GRIN2B: variants seen among roughly 807,000 people sequenced by gnomAD.
The protein encoded by GRIN2B is glutamate receptor ionotropic, NMDA 2B.
In GRIN2B, 5 loss-of-function variants were observed where a neutral mutation model predicts 114.5. The observed-to-expected ratio is 0.04, with a 90% CI of 0.02 to 0.09. The LOEUF is 0.09. Among genes scored for constraint, GRIN2B ranks in the 10% least tolerant of loss-of-function variants. The pLI is 1.00. For synonymous variants in GRIN2B, 787 were observed against 745.1 expected, an observed-to-expected ratio of 1.06 and a Z score of -0.92; for missense variants, 1,108 against 1,943.5, an observed-to-expected ratio of 0.57 and a Z score of 8.08.
At chr12:13,871,381 A>C (rs1377168825) in intron 2 of GRIN2B, among the ~76,000 whole-genome samples, 1 of 114,508 alleles carries the variant, frequency 8.7e-6, no homozygotes, top group Non-Finnish European at 1.9e-5. Flanking sequence ...CCAAAATCTT[A>C]AAAAAAAAAA....
intron 2 of GRIN2B, among the ~76,000 whole-genome samples, chr12:13,921,086 G>C (rs1488643318): frequency 6.6e-6 from 1 of 152,116 alleles, no homozygotes; most frequent in Non-Finnish European, 1.5e-5. Flanking sequence ...ACATCATAGG[G>C]AAAGGGCATA....
intron 5 of GRIN2B, among the ~76,000 whole-genome samples, chr12:13,623,347 G>A (rs984057993): frequency 6.6e-6 from 1 of 152,204 alleles, no homozygotes; most frequent in African/African-American, 2.4e-5. Context: ...AAAAGGATAT[G>A]TATGTTTTTA....
chr12:13,980,692 T>TCA (rs1313406842), intron 1 of GRIN2B, among the ~76,000 whole-genome samples: 1 of 151,738 alleles, frequency 6.6e-6, no homozygotes, highest in East Asian at 1.9e-4. Flanking sequence ...CAACACACAC[T>TCA]CACACACACG....
At chr12:13,879,261 T>C (rs1437341636) in intron 2 of GRIN2B, among the ~76,000 whole-genome samples, 1 of 152,156 alleles carries the variant, frequency 6.6e-6, no homozygotes, top group Non-Finnish European at 1.5e-5. Context: ...ACTCCTAGGC[T>C]ACAAATCTGT....
rs1948412662 is a variant in GRIN2B at position 13,551,478 on chromosome 12, T to G, written c.*11305A>C. The G allele has an allele frequency of 6.6e-6, 1 of 152,176 alleles. No individual in the cohort carries two copies. Among genetic ancestry groups the G allele is most frequent in the Non-Finnish European group, 1.5e-5 (1 of 68,028 alleles). 9.4% of individuals were successfully genotyped at this position (152,176 alleles called of 1,614,324 possible). A position where few individuals can be genotyped will look rare whatever the true frequency, so the allele number is the denominator to read the frequency against. Reference sequence around the variant, plus strand: ...TCACAAAGAACATGCTGCCTTCACATGAAGCCTGAATATTTCTGTCAAACC... The same window carrying G: ...TCACAAAGAACATGCTGCCTTCACAGGAAGCCTGAATATTTCTGTCAAACC... On this transcript the variant is annotated 3_prime_UTR_variant, in exon 14 of 14. Coordinates refer to ENST00000609686, the MANE Select transcript of GRIN2B (RefSeq NM_000834.5).
At chr12:13,967,077 T>G (rs1327864016) in intron 2 of GRIN2B, among the ~76,000 whole-genome samples, 1 of 152,194 alleles carries the variant, frequency 6.6e-6, no homozygotes, top group Non-Finnish European at 1.5e-5. Context: ...GTACAAGTGC[T>G]GAAAATACAA....
chr12:13,795,031 G>GT (rs1217321302), intron 3 of GRIN2B, among the ~76,000 whole-genome samples: 6 of 152,214 alleles, frequency 3.9e-5, no homozygotes, highest in Non-Finnish European at 8.8e-5. Context: ...CCATTCTGAT[G>GT]TTTTGAGACT....
At chr12:13,676,610 G>A (rs571750985) in intron 4 of GRIN2B, among the ~76,000 whole-genome samples, 36 of 152,262 alleles carry the variant, frequency 2.4e-4, no homozygotes, top group African/African-American at 8.2e-4. Flanking sequence ...TTAAAGGTTG[G>A]AAGTGGTGGA....
At chr12:13,935,973 C>G (rs766438361) in intron 2 of GRIN2B, among the ~76,000 whole-genome samples, 2 of 152,090 alleles carry the variant, frequency 1.3e-5, no homozygotes, top group Non-Finnish European at 2.9e-5. Flanking sequence ...TGACAGAGAG[C>G]TAGAGTCAAA....
At chr12:13,850,794 T>C (rs1224917881) in intron 3 of GRIN2B, among the ~76,000 whole-genome samples, 1 of 152,204 alleles carries the variant, frequency 6.6e-6, no homozygotes, top group African/African-American at 2.4e-5. Flanking sequence ...AAGTGAAGCA[T>C]ACTGGTGAAA....
intron 3 of GRIN2B, among the ~76,000 whole-genome samples, chr12:13,759,724 C>G (rs1028048944): frequency 5.9e-5 from 9 of 152,164 alleles, no homozygotes; most frequent in African/African-American, 2.2e-4. Flanking sequence ...TCTTAACCCC[C>G]TAGTCTAATG....
In GRIN2B at chr12:13,563,746, G is replaced by A. The variant is rs775478008; in HGVS notation, c.3492C>T (p.Arg1164=). The A allele has an allele frequency of 3.7e-6, 6 of 1,613,800 alleles. No individual in the cohort carries two copies. The highest frequency in any genetic ancestry group is 1.3e-5 in the African/African-American group (1 of 74,928). The stretch of plus-strand genomic sequence containing the variant: ...AGGGCCCTCCTCCGCTGACGGAGTC[G>A]CGCTTAAAGTCATCACTCCGCTCCT... ...IYKERSDDFK[R]DSVSGGGPCT... The change falls in exon 14 of 14, where the codon CGC becomes CGT. Residue 1164 remains arginine, a synonymous_variant. Coordinates refer to ENST00000609686, the MANE Select transcript of GRIN2B (RefSeq NM_000834.5).
intron 10 of GRIN2B, among the ~76,000 whole-genome samples, chr12:13,581,136 G>C (rs1202283561): frequency 6.6e-6 from 1 of 152,108 alleles, no homozygotes; most frequent in Non-Finnish European, 1.5e-5. Flanking sequence ...ACAGGTTTTT[G>C]AGTGAACATG....
At chr12:13,658,346 C>G (rs1949887921) in intron 5 of GRIN2B, among the ~76,000 whole-genome samples, 1 of 152,062 alleles carries the variant, frequency 6.6e-6, no homozygotes. Context: ...TCATGCTCTT[C>G]TCTAATTAAC....
intron 10 of GRIN2B, among the ~76,000 whole-genome samples, chr12:13,605,547 T>TGACACA (rs1276977554): frequency 5.7e-4 from 28 of 49,024 alleles, no homozygotes; most frequent in South Asian, 8.7e-4. Flanking sequence ...TCTCTCTCTC[T>TGACACA]CTCTGACACA....
chr12:13,674,536 A>G (rs7305892), intron 5 of GRIN2B, among the ~76,000 whole-genome samples: 3,988 of 152,186 alleles, frequency 0.026, 160 homozygotes, highest in African/African-American at 0.083. Flanking sequence ...ACATTCACAT[A>G]ACTAGCTGTC....
intron 4 of GRIN2B, among the ~76,000 whole-genome samples, chr12:13,725,913 G>A (rs1333392721): frequency 1.3e-5 from 2 of 152,054 alleles, no homozygotes; most frequent in Admixed American, 6.6e-5. Flanking sequence ...CTCTCCTGGA[G>A]ATTTCACCAG....
intron 2 of GRIN2B, among the ~76,000 whole-genome samples, chr12:13,882,306 T>C (rs1384865395): frequency 6.6e-6 from 1 of 152,192 alleles, no homozygotes; most frequent in East Asian, 1.9e-4. Context: ...ACTAGTGAAG[T>C]GCTCGGAAGC....
At chr12:13,981,647 G>C (rs1300539525), upstream of GRIN2B, 1 of 150,188 alleles carries the variant, frequency 6.7e-6, no homozygotes, top group African/African-American at 2.5e-5. Context: ...CTCAAAAAGA[G>C]GTGGGGGGTG....
Sources: allele counts gnomAD v4.1 joint callset (sites outside exome capture counted in the v4.1 genomes callset), GRCh38; gene constraint gnomAD v4.1.1; transcripts MANE v1.5; gene names NCBI Gene and HGNC (gene_info 2026-07-23, HGNC 2026-07-21).